Variants in TMEM232 observed in about 807,000 individuals in gnomAD.
The protein encoded by TMEM232 is transmembrane protein 232.
TMEM232 carries 80 observed loss-of-function variants against 78.8 expected under a neutral mutation model. The ratio of observed to expected loss-of-function variants is 1.01; its 90% CI spans 0.85 to 1.22. The LOEUF (loss-of-function observed/expected upper bound fraction) is 1.22. Among genes scored for constraint, TMEM232 ranks in the 50% most tolerant of loss-of-function variants. The pLI, the probability that TMEM232 is intolerant of heterozygous loss-of-function variation, is 0.00. For missense variants in TMEM232, 881 were observed against 742.2 expected, an observed-to-expected ratio of 1.19 and a Z score of -2.17; for synonymous variants, 297 against 254.3, an observed-to-expected ratio of 1.17 and a Z score of -1.60.
intron 12 of TMEM232, among the ~76,000 whole-genome samples, chr5:110,521,841 A>G (rs1581055531): frequency 6.6e-6 from 1 of 152,118 alleles, no homozygotes; most frequent in Non-Finnish European, 1.5e-5. Context: ...TGCTAATACC[A>G]TACTCTTTTA....
intron 2 of TMEM232, among the ~76,000 whole-genome samples, chr5:110,645,845 A>C (rs934124664): frequency 1.3e-5 from 2 of 151,752 alleles, no homozygotes; most frequent in African/African-American, 4.8e-5. Context: ...CTTAGAACTA[A>C]TAAATGAATT....
chr5:110,514,528 A>G (rs985091511), intron 12 of TMEM232, among the ~76,000 whole-genome samples: 17 of 152,098 alleles, frequency 1.1e-4, no homozygotes, highest in African/African-American at 2.4e-5. Flanking sequence ...CAAAGCTTAG[A>G]GCAATGTATA....
At chr5:110,578,264 T>C (rs1777787933) in intron 10 of TMEM232, among the ~76,000 whole-genome samples, 2 of 152,016 alleles carry the variant, frequency 1.3e-5, no homozygotes, top group South Asian at 4.2e-4. Context: ...GAATAATAAT[T>C]ATAAGTAGAT....
chr5:110,640,596 C>G (rs1387078058), intron 4 of TMEM232, among the ~76,000 whole-genome samples: 1 of 151,982 alleles, frequency 6.6e-6, no homozygotes, highest in East Asian at 1.9e-4. Flanking sequence ...CCTATTGTAA[C>G]TGGAAATCAC....
chr5:110,648,974 G>GTGC (rs937139460), intron 2 of TMEM232, among the ~76,000 whole-genome samples: 2 of 152,080 alleles, frequency 1.3e-5, no homozygotes. Context: ...AGTTGCTGGT[G>GTGC]TGCTGGCATG....
chr5:110,601,302 G>A (rs1175002200), intron 10 of TMEM232, among the ~76,000 whole-genome samples: 1 of 152,000 alleles, frequency 6.6e-6, no homozygotes, highest in Non-Finnish European at 1.5e-5. Flanking sequence ...TTCTGGCCAG[G>A]GAAATCAGGC....
At chr5:110,402,262 G>C (rs1029838758) in intron 2 of TMEM232, among the ~76,000 whole-genome samples, 3 of 152,002 alleles carry the variant, frequency 2.0e-5, no homozygotes, top group African/African-American at 7.2e-5. Context: ...CATTTTTTCT[G>C]CAAAGAAGAT....
chr5:110,595,669 G>T (rs1303725405), intron 10 of TMEM232, among the ~76,000 whole-genome samples: 3 of 152,060 alleles, frequency 2.0e-5, no homozygotes, highest in Admixed American at 6.5e-5. Flanking sequence ...TGGAAGAAAA[G>T]ATATCAGAGA....
At chr5:110,641,534 C>T (rs964980103) in intron 3 of TMEM232, among the ~76,000 whole-genome samples, 1 of 152,088 alleles carries the variant, frequency 6.6e-6, no homozygotes, top group Non-Finnish European at 1.5e-5. Flanking sequence ...CCTCCTGGCA[C>T]CTGTCTGCAT....
At chr5:110,434,089 C>T (rs1758149070) in intron 12 of TMEM232, among the ~76,000 whole-genome samples, 1 of 148,344 alleles carries the variant, frequency 6.7e-6, no homozygotes, top group Admixed American at 6.7e-5. Context: ...TAAATGAAAG[C>T]ACAAGAAAAG....
At chr5:110,507,571 G>T (rs1232253208) in intron 12 of TMEM232, among the ~76,000 whole-genome samples, 1 of 152,176 alleles carries the variant, frequency 6.6e-6, no homozygotes, top group Non-Finnish European at 1.5e-5. Flanking sequence ...GGTTCTCAGA[G>T]TGGAGTTAAT....
At chr5:110,591,059 C>G (rs1462570581) in intron 10 of TMEM232, among the ~76,000 whole-genome samples, 1 of 152,094 alleles carries the variant, frequency 6.6e-6, no homozygotes, top group African/African-American at 2.4e-5. Context: ...AGAGCTAAAC[C>G]ATATCAGGAG....
At chr5:110,513,871 T>A (rs1421830716) in intron 12 of TMEM232, 1 of 170,056 alleles carries the variant, frequency 5.9e-6, no homozygotes, top group African/African-American at 2.4e-5. Context: ...TTGCAATTAC[T>A]TAAAAAAACT....
intron 2 of TMEM232, among the ~76,000 whole-genome samples, chr5:110,653,933 A>C (rs1788678688): frequency 1.3e-5 from 2 of 152,230 alleles, no homozygotes; most frequent in South Asian, 4.1e-4. Flanking sequence ...AAAGCCTTAA[A>C]ATTTCAAGAG....
chr5:110,625,891 GTTA>G lies in TMEM232; in HGVS notation c.602-461_602-459del, dbSNP rs1252599421. On this transcript the variant is annotated intron_variant, in intron 6 of 13. Coordinates refer to ENST00000455884, the MANE Select transcript of TMEM232 (RefSeq NM_001039763.4). ...ATGTTGTAAATAATAAAAACAAGATGTTATTATTTACAACAATAAGATAATTTA... is the reference window on the plus strand; with the variant it reads ...ATGTTGTAAATAATAAAAACAAGATGTTATTTACAACAATAAGATAATTTA... 2.4e-4 allele frequency among the ~76,000 whole-genome samples: 36 copies of G among 151,746 alleles called. 1 individual carries two copies. The highest frequency in any genetic ancestry group is 2.4e-3 in the Admixed American group (36 of 15,216).
chr5:110,687,325 T>C (rs1482430185), intron 1 of TMEM232, among the ~76,000 whole-genome samples: 1 of 152,178 alleles, frequency 6.6e-6, no homozygotes, highest in Non-Finnish European at 1.5e-5. Flanking sequence ...TTGGAGCATA[T>C]ATTCAGGGCA....
chr5:110,606,035 TTTAA>T (rs1781504920), intron 9 of TMEM232, 125 bp downstream of exon 9: 17 of 827,830 alleles, frequency 2.1e-5, no homozygotes, highest in South Asian at 6.2e-5. Context: ...TGCTTTTATA[TTTAA>T]TTAAATTTAT....
rs1388685620 is a variant in TMEM232, at chr5:110,640,748, T to G, written c.343+143A>C. The G allele has an allele frequency of 1.8e-5, 8 of 447,084 alleles. No homozygotes were observed. In the Admixed American group the frequency reaches 2.6e-4, roughly 15 times the overall value. The allele number at this position is 447,084 out of a possible 1,614,324, so 27.7% of individuals were successfully genotyped here. On this transcript the variant is annotated intron_variant, in intron 4 of 13. Transcript: ENST00000455884. Reference sequence around the variant, plus strand: ...CATAAATTCAAAATTACAAAATGAATTTTCATAATAAAATGTATTTTGATA... The same window carrying G: ...CATAAATTCAAAATTACAAAATGAAGTTTCATAATAAAATGTATTTTGATA...
At chr5:110,482,836 C>A (rs751207344) in intron 12 of TMEM232, among the ~76,000 whole-genome samples, 1 of 151,702 alleles carries the variant, frequency 6.6e-6, no homozygotes, top group African/African-American at 2.4e-5. Context: ...ACCAAGAATT[C>A]TATATCCAGA....
Sources: gnomAD v4.1 joint callset for allele counts (sites outside exome capture counted in the v4.1 genomes callset) on GRCh38, gnomAD v4.1.1 for gene constraint, MANE v1.5 for transcripts, NCBI Gene and HGNC (gene_info 2026-07-23, HGNC 2026-07-21) for gene names.